JAZF1: variants seen among roughly 807,000 people sequenced by gnomAD.
JAZF1 encodes the protein JAZF zinc finger 1.
A neutral mutation model predicts 26.4 loss-of-function variants in JAZF1; 8 were observed. The observed-to-expected ratio is 0.30, with a 90% CI of 0.18 to 0.55. JAZF1 has a LOEUF of 0.55. Ranked by LOEUF, JAZF1 falls within the 20% of genes least tolerant of loss-of-function variation. The pLI, the probability that JAZF1 is intolerant of heterozygous loss-of-function variation, is 0.94. For missense variants in JAZF1, 199 were observed against 322.0 expected, an observed-to-expected ratio of 0.62 and a Z score of 2.92; for synonymous variants, 126 against 122.3, an observed-to-expected ratio of 1.03 and a Z score of -0.20.
intron 1 of JAZF1, among the ~76,000 whole-genome samples, chr7:28,127,179 G>A (rs1030043315): frequency 2.6e-5 from 4 of 152,208 alleles, no homozygotes; most frequent in African/African-American, 9.6e-5. Flanking sequence ...GAGTACTGGG[G>A]CAAGGGAAAA....
chr7:27,860,831 T>G (rs577776692), intron 3 of JAZF1, among the ~76,000 whole-genome samples: 1 of 152,032 alleles, frequency 6.6e-6, no homozygotes, highest in South Asian at 2.1e-4. Context: ...CCCCAGGTAT[T>G]CTGGTTCCCC....
chr7:27,855,667 A>T (rs1175608830), intron 3 of JAZF1, among the ~76,000 whole-genome samples: 2 of 152,256 alleles, frequency 1.3e-5, no homozygotes, highest in Non-Finnish European at 2.9e-5. Context: ...AACCAGGAAG[A>T]AGTCGAATCC....
At chr7:27,947,282 A>C (rs1784936123) in intron 2 of JAZF1, among the ~76,000 whole-genome samples, 1 of 152,210 alleles carries the variant, frequency 6.6e-6, no homozygotes, top group African/African-American at 2.4e-5. Flanking sequence ...TGTTTGCAAA[A>C]CAGCTTTAAA....
At chr7:27,946,678 C>T (rs68104887) in intron 2 of JAZF1, among the ~76,000 whole-genome samples, 31,755 of 152,076 alleles carry the variant, frequency 0.21, 3,716 homozygotes, top group Non-Finnish European at 0.26. Context: ...GCAGAAGGAC[C>T]ATAAGTGGGA....
chr7:28,023,323 C>G (rs1483722498), intron 1 of JAZF1, among the ~76,000 whole-genome samples: 1 of 152,192 alleles, frequency 6.6e-6, no homozygotes, highest in Non-Finnish European at 1.5e-5. Context: ...AGCCTTTGCT[C>G]TTATGGACAA....
intron 2 of JAZF1, among the ~76,000 whole-genome samples, chr7:27,961,776 G>C (rs987705650): frequency 1.3e-5 from 2 of 152,126 alleles, no homozygotes; most frequent in Admixed American, 6.5e-5. Context: ...TAGGAGCTCC[G>C]GACAGAGCAA....
At chr7:27,993,197 G>A (rs996085799) in intron 1 of JAZF1, among the ~76,000 whole-genome samples, 2 of 152,140 alleles carry the variant, frequency 1.3e-5, no homozygotes, top group Non-Finnish European at 2.9e-5. Flanking sequence ...CAGAAATCCT[G>A]CCTCCTGGGT....
rs970501573 is a variant in JAZF1, at chr7:27,832,382, T to C, written c.*418A>G. 2.7e-5 allele frequency: 6 copies of C among 226,324 alleles called. No homozygotes were observed. The highest frequency in any genetic ancestry group is 4.4e-5 in the Non-Finnish European group (5 of 113,524). The allele number at this position is 226,324 out of a possible 1,614,324, so 14.0% of individuals were successfully genotyped here. A position where few individuals can be genotyped will look rare whatever the true frequency, so the allele number is the denominator to read the frequency against. ...GATAATGAAGGTATTATTTTGGTTT[T>C]GAACATATGTGAGTTGATGTGTTGA... On this transcript the variant is annotated 3_prime_UTR_variant, in exon 5 of 5. Coordinates refer to ENST00000283928, the MANE Select transcript of JAZF1 (RefSeq NM_175061.4).
At chr7:27,994,832 G>A (rs1785981766) in intron 1 of JAZF1, among the ~76,000 whole-genome samples, 1 of 152,114 alleles carries the variant, frequency 6.6e-6, no homozygotes, top group South Asian at 2.1e-4. Flanking sequence ...ATGCTGTTGA[G>A]CACTTCACAT....
intron 3 of JAZF1, among the ~76,000 whole-genome samples, chr7:27,885,342 C>G (rs112309895): frequency 7.9e-5 from 12 of 152,338 alleles, no homozygotes; most frequent in African/African-American, 2.9e-4. Context: ...TCTGAGTCTC[C>G]ACATTTAAAA....
At position 27,832,809 on chromosome 7, in the gene JAZF1, C is replaced by T; in HGVS notation, c.723G>A (p.Met241Ile). ...AGTTATGACCAGCATGTTATTGCTG[C>T]ATCTTCCTGATAATCTCAGCCGACA... ...PPVSAEIIRKMQQ is the reference protein window; with the variant it reads ...PPVSAEIIRKIQQ The change falls in exon 5 of 5, where the codon ATG becomes ATA. Residue 241 changes from methionine (M) to isoleucine (I), a missense_variant. Around this residue, in one of 2 missense-constraint regions of JAZF1, gnomAD observed 62 missense variants for 137.2 expected, o/e 0.45. Transcript: ENST00000283928. The T allele has an allele frequency of 6.3e-7, 1 of 1,588,538 alleles. No individual in the cohort carries two copies. Among genetic ancestry groups the T allele is most frequent in the Non-Finnish European group, 8.6e-7 (1 of 1,165,320 alleles).
intron 1 of JAZF1, among the ~76,000 whole-genome samples, chr7:28,090,896 GGCTCACTGCAAGCTCC>G (rs1420333473): frequency 7.0e-6 from 1 of 141,892 alleles, no homozygotes; most frequent in African/African-American, 2.6e-5. Context: ...GCGCGATCTC[GGCTCACTGCAAGCTCC>G]GCTTCCCGGG....
rs116179428 is a variant in JAZF1, at chr7:28,006,376, A to C, written c.116-14395T>G. 8.2e-3 allele frequency among the ~76,000 whole-genome samples: 1,244 copies of C among 152,182 alleles called. 21 individuals carry two copies. Among genetic ancestry groups the C allele is most frequent in the African/African-American group, 0.028 (1,155 of 41,494 alleles). On this transcript the variant is annotated intron_variant, in intron 1 of 4. Coordinates refer to ENST00000283928, the MANE Select transcript of JAZF1 (RefSeq NM_175061.4). ...AGAGCAAGACTGTGTCTCAAAAAAA[A>C]CAAAAAACAAAAACCCCAAACACCA...
At chr7:28,085,832 G>C (rs1333779122) in intron 1 of JAZF1, among the ~76,000 whole-genome samples, 1 of 152,154 alleles carries the variant, frequency 6.6e-6, no homozygotes, top group Non-Finnish European at 1.5e-5. Flanking sequence ...ATAATTGTGA[G>C]GCTTTTACAT....
intron 1 of JAZF1, among the ~76,000 whole-genome samples, chr7:28,000,711 C>T (rs1156992908): frequency 6.7e-6 from 1 of 150,338 alleles, no homozygotes; most frequent in Non-Finnish European, 1.5e-5. Flanking sequence ...CTCTGCCTCC[C>T]ACGTTCAATC....
At chr7:28,157,475 T>A (rs1783205765) in intron 1 of JAZF1, among the ~76,000 whole-genome samples, 1 of 152,160 alleles carries the variant, frequency 6.6e-6, no homozygotes, top group Non-Finnish European at 1.5e-5. Flanking sequence ...GGACGTGAAA[T>A]CTGAGTTGCA....
intron 1 of JAZF1, among the ~76,000 whole-genome samples, chr7:28,145,513 T>C (rs1160548695): frequency 6.6e-6 from 1 of 152,232 alleles, no homozygotes; most frequent in Non-Finnish European, 1.5e-5. Flanking sequence ...CATAGTTTCT[T>C]GTAGGCATCC....
At chr7:28,042,896 G>A (rs1392115779) in intron 1 of JAZF1, among the ~76,000 whole-genome samples, 2 of 152,140 alleles carry the variant, frequency 1.3e-5, no homozygotes, top group Non-Finnish European at 2.9e-5. Flanking sequence ...AGGTAATGAT[G>A]AAATCACCTA....
chr7:28,021,040 T>A (rs1331644999), intron 1 of JAZF1, among the ~76,000 whole-genome samples: 1 of 152,096 alleles, frequency 6.6e-6, no homozygotes, highest in Non-Finnish European at 1.5e-5. Context: ...TCCCAGATGG[T>A]CCTGAGTGCC....
Sources: gnomAD v4.1 joint callset for allele counts (sites outside exome capture counted in the v4.1 genomes callset) on GRCh38, gnomAD v4.1.1 for gene constraint, gnomAD v4.1.1 regional missense constraint, MANE v1.5 for transcripts, NCBI Gene and HGNC (gene_info 2026-07-23, HGNC 2026-07-21) for gene names.